The following MARK3 variants were observed in gnomAD, a reference collection of about 807,000 sequenced individuals.
The protein encoded by MARK3 is microtubule affinity regulating kinase 3, also known as MAP/microtubule affinity-regulating kinase 3.
In MARK3, 46 loss-of-function variants were observed where a neutral mutation model predicts 90.1. The observed-to-expected ratio is 0.51, with a 90% CI of 0.40 to 0.65. The LOEUF (loss-of-function observed/expected upper bound fraction) is 0.65, where lower values mean the gene tolerates loss of function less well. MARK3 is among the 30% of genes least tolerant of loss of function. The pLI is 0.00. For synonymous variants in MARK3, 321 were observed against 332.6 expected (o/e 0.97, Z 0.38); for missense variants, 818 against 947.2 (o/e 0.86, Z 1.79).
intron 14 of MARK3, among the ~76,000 whole-genome samples, chr14:103,481,371 G>A (rs1213136315): frequency 6.6e-6 from 1 of 152,114 alleles, no homozygotes; most frequent in Non-Finnish European, 1.5e-5. Flanking sequence ...TTTACTTTCT[G>A]CAGTTACGGT....
rs71126030 is a variant in MARK3 at position 103,481,757 on chromosome 14, C to CTTTTTT, written c.1586+1289_1586+1294dup. Among the ~76,000 whole-genome samples the CTTTTTT allele has an allele frequency of 1.8e-4, 9 of 49,778 alleles. 2 individuals are homozygous for CTTTTTT. Among genetic ancestry groups the CTTTTTT allele is most frequent in the Admixed American group, 3.6e-4 (1 of 2,806 alleles). The allele number at this position is 49,778 out of a possible 152,430, so 32.7% of individuals were successfully genotyped here. A position where few individuals can be genotyped will look rare whatever the true frequency, so the allele number is the denominator to read the frequency against. On this transcript the variant is annotated intron_variant, in intron 14 of 17. Coordinates refer to ENST00000429436, the MANE Select transcript of MARK3 (RefSeq NM_001128918.3). ...CAGATAATGATTGATATAGGTATTT[C>CTTTTTT]TTTTTTTTTTTTTTTTTTTTTTTTT... is the stretch of plus-strand genomic sequence containing the variant.
intron 2 of MARK3, among the ~76,000 whole-genome samples, chr14:103,408,963 T>A (rs1168957430): frequency 6.6e-6 from 1 of 152,132 alleles, no homozygotes; most frequent in East Asian, 1.9e-4. Context: ...CGGTGAGACC[T>A]CTGAGTTTCT....
Position 103,462,437 on chromosome 14 carries a change from A to G in MARK3, c.516A>G (p.Lys172=). ...CTGCAGTTCAATACTGCCATCAGAA[A>G]CGGATCGTACATCGAGACCTCAAGG... ...IVSAVQYCHQ[K]RIVHRDLKAE... The change falls in exon 7 of 18, where the codon AAA becomes AAG. Residue 172 remains lysine, a synonymous_variant. Coordinates refer to ENST00000429436, the MANE Select transcript of MARK3 (RefSeq NM_001128918.3). 1 of 1,604,964 alleles carries G rather than the reference A, an allele frequency of 6.2e-7. No individual in the cohort carries two copies. The highest frequency in any genetic ancestry group is 8.5e-7 in the Non-Finnish European group (1 of 1,172,374).
At chr14:103,470,382 C>T (rs1323209053) in intron 12 of MARK3, among the ~76,000 whole-genome samples, 2 of 151,008 alleles carry the variant, frequency 1.3e-5, no homozygotes, top group African/African-American at 2.4e-5. Context: ...TGTTTACTTG[C>T]CCATAACTAT....
intron 2 of MARK3, among the ~76,000 whole-genome samples, chr14:103,408,351 C>T (rs1469719722): frequency 2.0e-5 from 3 of 151,834 alleles, no homozygotes; most frequent in African/African-American, 4.8e-5. Flanking sequence ...CCGCACCCAG[C>T]GAATTTTTTG....
At chr14:103,407,092 A>C (rs1196937861) in intron 2 of MARK3, among the ~76,000 whole-genome samples, 1 of 151,630 alleles carries the variant, frequency 6.6e-6, no homozygotes, top group African/African-American at 2.4e-5. Flanking sequence ...AGCCTCCCAC[A>C]GTGCTGGGAT....
At chr14:103,402,150 G>A (rs1008731615) in intron 1 of MARK3, among the ~76,000 whole-genome samples, 1 of 152,214 alleles carries the variant, frequency 6.6e-6, no homozygotes, top group Non-Finnish European at 1.5e-5. Context: ...CAAAAAGCCT[G>A]TCCTTGTGAA....
intron 5 of MARK3, among the ~76,000 whole-genome samples, chr14:103,455,621 A>G (rs556805245): frequency 1.3e-5 from 2 of 151,338 alleles, no homozygotes; most frequent in East Asian, 2.0e-4. Flanking sequence ...CCAGCTACTC[A>G]GGAGGCTGAG....
chr14:103,442,741 T>TATTTTGTA (rs1595699961), intron 3 of MARK3, among the ~76,000 whole-genome samples: 1 of 152,196 alleles, frequency 6.6e-6, no homozygotes, highest in East Asian at 1.9e-4. Flanking sequence ...TGCTTTTTGG[T>TATTTTGTA]GCTCCGGGAA....
chr14:103,459,427 A>ACAGCTC (rs989255661), intron 6 of MARK3, among the ~76,000 whole-genome samples: 1 of 152,158 alleles, frequency 6.6e-6, no homozygotes. Flanking sequence ...TTTGCCTAAA[A>ACAGCTC]CAGCTCCATT....
chr14:103,405,545 G>C (rs1302414654), intron 2 of MARK3, among the ~76,000 whole-genome samples: 2 of 151,952 alleles, frequency 1.3e-5, no homozygotes, highest in Non-Finnish European at 2.9e-5. Flanking sequence ...GTTTCACCGT[G>C]TTAGCCAGGA....
Position 103,475,218 on chromosome 14 carries a change from T to G in MARK3, c.1482+8T>G. 1 of 1,611,872 alleles carries G rather than the reference T, an allele frequency of 6.2e-7. No individual in the cohort carries two copies. Among genetic ancestry groups the G allele is most frequent in the Non-Finnish European group, 8.5e-7 (1 of 1,179,336 alleles). ...AGCTCCACTGTCCCTAGTGTAAGTG[T>G]TGTTGAACTATAGAGTGGTCTTAGG... On this transcript the variant is annotated splice_region_variant and intron_variant, in intron 13 of 17. Transcript: ENST00000429436.
chr14:103,485,859 A>AC (rs1197729774), intron 14 of MARK3, among the ~76,000 whole-genome samples: 1 of 151,902 alleles, frequency 6.6e-6, no homozygotes, highest in Non-Finnish European at 1.5e-5. Flanking sequence ...GTAGCCTGAG[A>AC]CCCCCGTCTC....
chr14:103,479,329 G>A (rs1030556011), intron 13 of MARK3, among the ~76,000 whole-genome samples: 10 of 152,028 alleles, frequency 6.6e-5, no homozygotes, highest in African/African-American at 2.4e-4. Context: ...CTCTGCACCT[G>A]GCTGTGTTTT....
In MARK3 at chr14:103,455,399, G is replaced by A. The variant is rs183770568; in HGVS notation, c.413-1743G>A. ...TCATCATAGTTAAGTGAATTGTGTC[G>A]TGTAAACTTGACAGTATGTAATGCC... is the stretch of plus-strand genomic sequence containing the variant. On this transcript the variant is annotated intron_variant, in intron 5 of 17. Transcript: ENST00000429436. Among the ~76,000 whole-genome samples the A allele has an allele frequency of 2.5e-4, 38 of 152,248 alleles. No homozygotes were observed. In the East Asian group the frequency reaches 6.8e-3, roughly 27 times the overall value.
intron 6 of MARK3, among the ~76,000 whole-genome samples, chr14:103,458,317 G>C (rs1338894646): frequency 6.6e-6 from 1 of 151,984 alleles, no homozygotes; most frequent in Non-Finnish European, 1.5e-5. Flanking sequence ...AAATTAGCCG[G>C]GCATGATGGC....
chr14:103,460,124 C>T (rs1338106012), intron 6 of MARK3, among the ~76,000 whole-genome samples: 4 of 94,948 alleles, frequency 4.2e-5, no homozygotes, highest in African/African-American at 7.4e-5. Flanking sequence ...CTCGCTTTGT[C>T]GCCCAGGCTG....
At chr14:103,484,666 C>T (rs1186758565) in intron 14 of MARK3, among the ~76,000 whole-genome samples, 5 of 152,308 alleles carry the variant, frequency 3.3e-5, no homozygotes, top group East Asian at 1.9e-4. Context: ...GGCGCGGTGG[C>T]TCCCACCTGT....
intron 2 of MARK3, among the ~76,000 whole-genome samples, chr14:103,414,993 A>G (rs1323796691): frequency 6.6e-6 from 1 of 151,900 alleles, no homozygotes; most frequent in Non-Finnish European, 1.5e-5. Flanking sequence ...CTCTACTAAA[A>G]ATACAAAAAA....
Sources: allele counts gnomAD v4.1 joint callset (sites outside exome capture counted in the v4.1 genomes callset), GRCh38; gene constraint gnomAD v4.1.1; transcripts MANE v1.5; gene names NCBI Gene and HGNC (gene_info 2026-07-23, HGNC 2026-07-21).